The following IL5RA variants were observed in gnomAD, a reference collection of about 807,000 sequenced individuals.
The protein encoded by IL5RA is interleukin 5 receptor subunit alpha.
A neutral mutation model predicts 50.0 loss-of-function variants in IL5RA; 49 were observed. The ratio of observed to expected loss-of-function variants is 0.98; its 90% confidence interval spans 0.78 to 1.24. The LOEUF is 1.24. IL5RA is among the 50% of genes most tolerant of loss of function. The pLI is 0.00. For synonymous variants in IL5RA, 202 were observed against 174.0 expected (o/e 1.16, Z -1.26); for missense variants, 600 against 500.4 (o/e 1.20, Z -1.90).
chr3:3,097,197 C>T (rs992263677), intron 7 of IL5RA, among the ~76,000 whole-genome samples: 4 of 152,120 alleles, frequency 2.6e-5, no homozygotes, highest in East Asian at 1.9e-4. Context: ...GACAAAACCA[C>T]GAATAGAATT....
chr3:3,097,861 C>G lies in IL5RA; in HGVS notation c.709+9G>C, dbSNP rs1325102513. On this transcript the variant is annotated intron_variant, in intron 7 of 11. Coordinates refer to ENST00000446632, the MANE Select transcript of IL5RA (RefSeq NM_175726.4). ...CAGTTATTTCAGCTTTGGGTTAAGT[C>G]GGTCTTACCAATGGCGTGAAGGGCA... 8 of 1,605,638 alleles carry G rather than the reference C, an allele frequency of 5.0e-6. No homozygotes were observed. The highest frequency in any genetic ancestry group is 6.0e-6 in the Non-Finnish European group (7 of 1,174,540).
chr3:3,090,442 A>G (rs1703038712), intron 9 of IL5RA, among the ~76,000 whole-genome samples: 1 of 151,982 alleles, frequency 6.6e-6, no homozygotes, highest in Non-Finnish European at 1.5e-5. Context: ...TATCATACAC[A>G]TGAGACGCAC....
At chr3:3,098,904 C>T (rs369835320) in intron 5 of IL5RA, among the ~76,000 whole-genome samples, 9 of 152,110 alleles carry the variant, frequency 5.9e-5, no homozygotes, top group Non-Finnish European at 7.4e-5. Flanking sequence ...GGTTGATGTC[C>T]GGCAACTTTG....
At chr3:3,090,400 G>T (rs1022008764) in intron 9 of IL5RA, 2 of 635,718 alleles carry the variant, frequency 3.1e-6, no homozygotes, top group South Asian at 2.0e-5. Context: ...AACAGTTAAC[G>T]ACGTGTGTGT....
At chr3:3,084,102 C>T (rs1702765635) in intron 9 of IL5RA, among the ~76,000 whole-genome samples, 1 of 151,114 alleles carries the variant, frequency 6.6e-6, no homozygotes, top group Non-Finnish European at 1.5e-5. Flanking sequence ...CACTTGCTAC[C>T]AAAGTGACCT....
At chr3:3,081,143 C>T (rs6809408) in intron 9 of IL5RA, among the ~76,000 whole-genome samples, 1 of 151,986 alleles carries the variant, frequency 6.6e-6, no homozygotes, top group African/African-American at 2.4e-5. Flanking sequence ...TCCTACAGAT[C>T]CTCGATGGTT....
At position 3,092,279 on chromosome 3, in the gene IL5RA, G is replaced by A; in HGVS notation, c.939C>T (p.Ser313=). The part of the protein sequence containing the change: ...KYDVQVRAAV[S]SMCREAGLWS... ...AGAGCCCTGCCTCTCTGCACATGGA[G>A]CTCACTGCTGCTCTCACTTGAACAT... Residue 313 remains serine, a synonymous_variant, in exon 9 of 12, where the codon AGC becomes AGT. Coordinates refer to ENST00000446632, the MANE Select transcript of IL5RA (RefSeq NM_175726.4). The surrounding 1 kb of genome is among the most constrained non-coding windows in gnomAD (Gnocchi z 4.2). The A allele has an allele frequency of 1.2e-6, 2 of 1,614,076 alleles. No homozygotes were observed. Among genetic ancestry groups the A allele is most frequent in the Non-Finnish European group, 1.7e-6 (2 of 1,180,012 alleles).
chr3:3,083,645 T>G (rs556298183), intron 9 of IL5RA, among the ~76,000 whole-genome samples: 165 of 152,334 alleles, frequency 1.1e-3, no homozygotes, highest in African/African-American at 3.7e-3. Flanking sequence ...CCCAGAACTT[T>G]CTTCCCTATA....
chr3:3,108,286 C>T lies in IL5RA; in HGVS notation c.-4+264G>A, dbSNP rs1262352949. On this transcript the variant is annotated intron_variant, in intron 2 of 11. Transcript: ENST00000446632. ...TAAATATATAAATGAATAATAAGGACCACTTATCATGCATGCAATTTTTTT... is the reference window on the plus strand; with the variant it reads ...TAAATATATAAATGAATAATAAGGATCACTTATCATGCATGCAATTTTTTT... 2.6e-5 allele frequency among the ~76,000 whole-genome samples: 4 copies of T among 152,116 alleles called. No individual in the cohort carries two copies. The East Asian group carries it at 7.7e-4, about 29-fold the overall frequency.
chr3:3,073,643 C>T (rs1702375692), intron 11 of IL5RA: 1 of 305,514 alleles, frequency 3.3e-6, no homozygotes, highest in Non-Finnish European at 6.4e-6. Context: ...CAAACCATTG[C>T]TGAGAGAAGG....
chr3:3,103,825 A>AT (rs71058674), intron 3 of IL5RA, among the ~76,000 whole-genome samples: 269 of 152,096 alleles, frequency 1.8e-3, no homozygotes, highest in Non-Finnish European at 3.0e-3. Context: ...GCAATTTTTA[A>AT]TTTTTTTTAC....
At chr3:3,097,659 C>A (rs572397685) in intron 7 of IL5RA, among the ~76,000 whole-genome samples, 12 of 152,244 alleles carry the variant, frequency 7.9e-5, no homozygotes, top group African/African-American at 2.9e-4. Flanking sequence ...TCCTACAGTG[C>A]CCAGCACAGC....
chr3:3,102,873 G>A (rs1703722069), intron 3 of IL5RA, 53 bp from the exon 4 acceptor site: 7 of 1,506,102 alleles, frequency 4.6e-6, no homozygotes, highest in African/African-American at 1.4e-5. Flanking sequence ...GACATAGGCA[G>A]CACTTTTAAA....
chr3:3,070,564 T>C (rs1702263153), intron 11 of IL5RA, among the ~76,000 whole-genome samples: 2 of 147,312 alleles, frequency 1.4e-5, no homozygotes, highest in Admixed American at 1.4e-4. Flanking sequence ...TGAAGTCATA[T>C]GGATACACAT....
intron 7 of IL5RA, 42 bp from the exon 8 acceptor site, chr3:3,095,486 T>C: frequency 6.7e-7 from 1 of 1,497,994 alleles, no homozygotes; most frequent in Non-Finnish European, 9.2e-7. Flanking sequence ...TTTTTTAGAA[T>C]CAGTGATCAA....
rs552773478 is a variant in IL5RA at position 3,099,063 on chromosome 3, T to C, written c.368-773A>G. On this transcript the variant is annotated intron_variant, in intron 5 of 11. Coordinates refer to ENST00000446632, the MANE Select transcript of IL5RA (RefSeq NM_175726.4). Reference sequence around the variant, plus strand: ...TCCTAGAATTGTGTGATTCATTAGGTTGTATCCAAATTCTTCATGAATTAC... The same window carrying C: ...TCCTAGAATTGTGTGATTCATTAGGCTGTATCCAAATTCTTCATGAATTAC... Among the ~76,000 whole-genome samples the C allele has an allele frequency of 2.0e-5, 3 of 152,336 alleles. No homozygotes were observed. In the South Asian group the frequency reaches 6.2e-4, roughly 32 times the overall value.
chr3:3,074,152 C>T (rs987702361), intron 11 of IL5RA, among the ~76,000 whole-genome samples: 3 of 152,310 alleles, frequency 2.0e-5, no homozygotes, highest in Non-Finnish European at 4.4e-5. Flanking sequence ...TAAGAAAATG[C>T]ATATTGGGTA....
rs185269126 is a variant in IL5RA at position 3,094,808 on chromosome 3, C to T, written c.855+491G>A. Among the ~76,000 whole-genome samples the T allele has an allele frequency of 2.4e-4, 37 of 152,182 alleles. No homozygotes were observed. In the East Asian group the frequency reaches 5.8e-3, roughly 24 times the overall value. ...CGCCATCTCAGCTTACTGCAACCTCCGCCTCCCTGGTTGAAGTGATTCTCC... is the reference window on the plus strand; with the variant it reads ...CGCCATCTCAGCTTACTGCAACCTCTGCCTCCCTGGTTGAAGTGATTCTCC... On this transcript the variant is annotated intron_variant, in intron 8 of 11. Transcript: ENST00000446632.
intron 5 of IL5RA, among the ~76,000 whole-genome samples, chr3:3,099,823 C>T (rs1446327433): frequency 1.3e-5 from 2 of 152,070 alleles, no homozygotes; most frequent in East Asian, 3.9e-4. Flanking sequence ...GCACGTGCCA[C>T]CACACTCAGC....
Sources: allele counts gnomAD v4.1 joint callset (sites outside exome capture counted in the v4.1 genomes callset), GRCh38; gene constraint gnomAD v4.1.1; non-coding constraint Gnocchi (gnomAD v3.1); transcripts MANE v1.5; gene names NCBI Gene and HGNC (gene_info 2026-07-23, HGNC 2026-07-21).